GRID2: variants seen among roughly 807,000 people sequenced by gnomAD.
GRID2 encodes glutamate ionotropic receptor delta type subunit 2.
In GRID2, 33 loss-of-function variants were observed where a neutral mutation model predicts 114.8. That is an observed-to-expected ratio of 0.29 (90% CI 0.22 to 0.38). The LOEUF (loss-of-function observed/expected upper bound fraction) is 0.38. GRID2 is among the 10% of genes least tolerant of loss of function. The pLI is 1.00. For synonymous variants in GRID2, 505 were observed against 449.9 expected, an observed-to-expected ratio of 1.12 and a Z score of -1.55; for missense variants, 1,184 against 1,257.7, an observed-to-expected ratio of 0.94 and a Z score of 0.89.
chr4:93,542,096 T>C (rs1028074753), intron 13 of GRID2, among the ~76,000 whole-genome samples: 2 of 152,192 alleles, frequency 1.3e-5, no homozygotes, highest in East Asian at 3.9e-4. Flanking sequence ...TACCACTACC[T>C]AAAGTTAACT....
intron 1 of GRID2, among the ~76,000 whole-genome samples, chr4:92,413,057 T>C (rs1170664757): frequency 6.6e-6 from 1 of 152,210 alleles, no homozygotes; most frequent in Non-Finnish European, 1.5e-5. Flanking sequence ...TTTTTAGTAT[T>C]TGTATAAATT....
intron 8 of GRID2, among the ~76,000 whole-genome samples, chr4:93,308,308 G>A (rs975874846): frequency 3.3e-5 from 5 of 152,066 alleles, no homozygotes; most frequent in Admixed American, 2.0e-4. Flanking sequence ...TTGTGGTTTC[G>A]AAAGTGTCTA....
At chr4:92,668,962 A>G (rs1732919581) in intron 2 of GRID2, among the ~76,000 whole-genome samples, 1 of 151,896 alleles carries the variant, frequency 6.6e-6, no homozygotes, top group African/African-American at 2.4e-5. Flanking sequence ...ATGGTAGTAT[A>G]GCTTGATAGT....
At chr4:92,331,060 T>C (rs1038090158) in intron 1 of GRID2, among the ~76,000 whole-genome samples, 4 of 152,212 alleles carry the variant, frequency 2.6e-5, no homozygotes, top group Non-Finnish European at 5.9e-5. Context: ...TTGTAGAGTT[T>C]GTCCTACTTG....
intron 9 of GRID2, among the ~76,000 whole-genome samples, chr4:93,418,081 T>C (rs945155759): frequency 3.3e-5 from 5 of 151,408 alleles, no homozygotes; most frequent in Admixed American, 6.6e-5. Flanking sequence ...TGTATGCTAC[T>C]AGACAAGTCA....
chr4:93,110,009 T>C (rs1018809332), intron 3 of GRID2, among the ~76,000 whole-genome samples: 19 of 152,156 alleles, frequency 1.2e-4, no homozygotes, highest in Non-Finnish European at 7.4e-5. Flanking sequence ...TTGGAATAAG[T>C]ATGTAAATAT....
At chr4:92,777,955 A>G (rs1738888681) in intron 2 of GRID2, among the ~76,000 whole-genome samples, 1 of 152,124 alleles carries the variant, frequency 6.6e-6, no homozygotes, top group Non-Finnish European at 1.5e-5. Flanking sequence ...AGGGAGTCCT[A>G]CGTTTAACCC....
intron 10 of GRID2, among the ~76,000 whole-genome samples, chr4:93,435,935 A>G (rs1458985780): frequency 6.6e-6 from 1 of 152,086 alleles, no homozygotes; most frequent in African/African-American, 2.4e-5. Flanking sequence ...TTGCCCCTCT[A>G]CCTTTCTTTA....
chr4:93,390,384 G>A (rs1478893932), intron 8 of GRID2, among the ~76,000 whole-genome samples: 1 of 152,080 alleles, frequency 6.6e-6, no homozygotes, highest in Non-Finnish European at 1.5e-5. Flanking sequence ...TGATTATATA[G>A]GAAAAATAAT....
intron 8 of GRID2, among the ~76,000 whole-genome samples, chr4:93,256,427 GGT>G (rs1491139940): frequency 7.9e-4 from 13 of 16,452 alleles, no homozygotes; most frequent in Admixed American, 2.2e-3. Context: ...TTTAATTTTT[GGT>G]TTTTTTTTTT....
At chr4:93,062,537 G>A (rs1251317946) in intron 2 of GRID2, among the ~76,000 whole-genome samples, 1 of 152,032 alleles carries the variant, frequency 6.6e-6, no homozygotes, top group African/African-American at 2.4e-5. Context: ...CTGTGATAAT[G>A]TGAATACAAC....
chr4:93,253,935 A>G (rs577673494), intron 8 of GRID2, among the ~76,000 whole-genome samples: 2 of 152,116 alleles, frequency 1.3e-5, no homozygotes, highest in Non-Finnish European at 2.9e-5. Context: ...GAAGCTACAA[A>G]TATTTTGAGG....
At chr4:92,954,759 T>C (rs1578588886) in intron 2 of GRID2, among the ~76,000 whole-genome samples, 2 of 97,682 alleles carry the variant, frequency 2.0e-5, no homozygotes, top group Non-Finnish European at 2.0e-5. Context: ...ATGCTATCCC[T>C]CCCCCCTCCC....
intron 14 of GRID2, among the ~76,000 whole-genome samples, chr4:93,768,741 C>T (rs767691771): frequency 3.9e-5 from 6 of 152,140 alleles, no homozygotes; most frequent in South Asian, 2.1e-4. Flanking sequence ...GGTGACATTA[C>T]GCCAGCATCT....
intron 2 of GRID2, among the ~76,000 whole-genome samples, chr4:93,080,207 G>A (rs1450630393): frequency 2.0e-5 from 3 of 152,070 alleles, no homozygotes; most frequent in African/African-American, 4.8e-5. Flanking sequence ...AATGTCTGGA[G>A]CTTTTTGGTG....
chr4:92,978,679 A>G (rs1438171901), intron 2 of GRID2, among the ~76,000 whole-genome samples: 1 of 152,176 alleles, frequency 6.6e-6, no homozygotes, highest in Non-Finnish European at 1.5e-5. Context: ...AATTTAGAAA[A>G]GAGCACAATT....
chr4:92,304,367 T>C lies in GRID2; in HGVS notation c.-290T>C. ...AGCCTCTCCCCCTGCCCAAGAGCAG[T>C]AGAGGCTGGATATATTTTTCAAAAG... On this transcript the variant is annotated 5_prime_UTR_variant, in exon 1 of 16. Transcript: ENST00000282020. 1 of 448,914 alleles carries C rather than the reference T, an allele frequency of 2.2e-6. No homozygotes were observed. Among genetic ancestry groups the C allele is most frequent in the East Asian group, 4.8e-5 (1 of 20,864 alleles). The allele number at this position is 448,914 out of a possible 1,614,324, so 27.8% of individuals were successfully genotyped here.
chr4:93,536,227 G>C (rs905524712), intron 13 of GRID2, among the ~76,000 whole-genome samples: 1 of 151,756 alleles, frequency 6.6e-6, no homozygotes, highest in African/African-American at 2.4e-5. Context: ...ATGAAACTAC[G>C]AAAGACTACA....
intron 14 of GRID2, among the ~76,000 whole-genome samples, chr4:93,653,561 G>A (rs2149725209): frequency 6.6e-6 from 1 of 152,126 alleles, no homozygotes; most frequent in East Asian, 1.9e-4. Context: ...CTCTTAACTT[G>A]CATCTCCAGC....
Sources: gnomAD v4.1 joint callset for allele counts (sites outside exome capture counted in the v4.1 genomes callset) on GRCh38, gnomAD v4.1.1 for gene constraint, MANE v1.5 for transcripts, NCBI Gene and HGNC (gene_info 2026-07-23, HGNC 2026-07-21) for gene names.